HEATR5A: variants seen among roughly 807,000 people sequenced by gnomAD.
HEATR5A encodes HEAT repeat containing 5A.
HEATR5A carries 178 observed loss-of-function variants against 218.8 expected under a neutral mutation model. That is an observed-to-expected ratio of 0.81 (90% CI 0.72 to 0.92). HEATR5A has a LOEUF of 0.92. Among genes scored for constraint, HEATR5A ranks in the 40% least tolerant of loss-of-function variants. The probability of loss-of-function intolerance (pLI) is 0.00; values close to 1 mark genes in which losing one functional copy is unlikely to be tolerated. For missense variants in HEATR5A, 2,420 were observed against 2,418.9 expected (o/e 1.00, Z -0.01); for synonymous variants, 864 against 871.6 (o/e 0.99, Z 0.15).
At chr14:31,369,291 A>C (rs1901928436) in intron 13 of HEATR5A, among the ~76,000 whole-genome samples, 1 of 151,300 alleles carries the variant, frequency 6.6e-6, no homozygotes, top group South Asian at 2.1e-4. Flanking sequence ...ACTCCAGCCT[A>C]GGTGACAGAG....
At chr14:31,359,119 TA>T in intron 14 of HEATR5A, 62 bp from the exon 15 acceptor site, 16 of 1,507,026 alleles carry the variant, frequency 1.1e-5, no homozygotes, top group Non-Finnish European at 1.4e-5. Flanking sequence ...GTATGGGATT[TA>T]AAACTCAGGT....
intron 4 of HEATR5A, among the ~76,000 whole-genome samples, chr14:31,397,104 T>C (rs1026117129): frequency 2.6e-5 from 4 of 152,188 alleles, no homozygotes; most frequent in African/African-American, 7.2e-5. Flanking sequence ...ATGAGCAAAT[T>C]TTCTCATCAG....
At chr14:31,310,037 C>T (rs564183332) in intron 28 of HEATR5A, among the ~76,000 whole-genome samples, 12 of 152,038 alleles carry the variant, frequency 7.9e-5, no homozygotes, top group Non-Finnish European at 1.6e-4. Flanking sequence ...ACTGTTAATA[C>T]CACTAATTCT....
intron 16 of HEATR5A, among the ~76,000 whole-genome samples, chr14:31,353,817 TGAGA>T (rs1237362062): frequency 5.1e-5 from 7 of 137,760 alleles, no homozygotes; most frequent in Non-Finnish European, 1.0e-4. Context: ...TGTTTTTTTT[TGAGA>T]TGGAGTCTCG....
At chr14:31,317,094 C>T (rs115383374) in intron 26 of HEATR5A, among the ~76,000 whole-genome samples, 2,564 of 152,192 alleles carry the variant, frequency 0.017, 58 homozygotes, top group African/African-American at 0.057. Context: ...CAAGAACACA[C>T]ATAGTAAAGT....
chr14:31,303,793 C>A (rs2139134136), intron 32 of HEATR5A, among the ~76,000 whole-genome samples: 1 of 152,190 alleles, frequency 6.6e-6, no homozygotes, highest in African/African-American at 2.4e-5. Flanking sequence ...CAAGTAACGA[C>A]ACGATAGCAC....
At chr14:31,342,023 T>C (rs1326112867) in intron 21 of HEATR5A, among the ~76,000 whole-genome samples, 3 of 152,256 alleles carry the variant, frequency 2.0e-5, no homozygotes, top group Admixed American at 6.5e-5. Flanking sequence ...CCCTAATACA[T>C]GATTGACCCA....
At chr14:31,299,431 C>CT (rs1351040782) in intron 33 of HEATR5A, among the ~76,000 whole-genome samples, 1 of 152,112 alleles carries the variant, frequency 6.6e-6, no homozygotes, top group African/African-American at 2.4e-5. Flanking sequence ...TTTTAAAACC[C>CT]TTTCGTGGCC....
intron 16 of HEATR5A, among the ~76,000 whole-genome samples, chr14:31,353,539 C>T (rs1901307325): frequency 6.6e-6 from 1 of 152,002 alleles, no homozygotes; most frequent in Admixed American, 6.6e-5. Context: ...AGTTCGAGAC[C>T]AGCCTAGGCA....
Position 31,371,840 on chromosome 14 carries a change from G to A in HEATR5A, c.1931C>T (p.Pro644Leu). The A allele has an allele frequency of 1.3e-6, 2 of 1,545,860 alleles. No homozygotes were observed. The highest frequency in any genetic ancestry group is 2.4e-5 in the East Asian group (1 of 41,326). Residue 644 changes from proline (P) to leucine (L), a missense_variant, in exon 13 of 36, where the codon CCA becomes CTA. Transcript: ENST00000543095. ...TAGCAAATCCACAGCACAAGGAAGT[G>A]GTGGAAGAAGACGCTGAGTTACTTC... ...TEEVTQRLLP[P>L]LPCAVDLLTQ...
chr14:31,403,142 A>G, intron 1 of HEATR5A, 93 bp from the exon 2 acceptor site: 1 of 612,180 alleles, frequency 1.6e-6, no homozygotes, highest in Non-Finnish European at 2.7e-6. Flanking sequence ...AATTAAATGT[A>G]TACATTTTTT....
intron 22 of HEATR5A, among the ~76,000 whole-genome samples, chr14:31,328,597 A>G (rs1900350997): frequency 2.6e-5 from 4 of 152,154 alleles, no homozygotes; most frequent in Admixed American, 2.6e-4. Flanking sequence ...AAGAGGTTTC[A>G]GTCCAGGCAC....
intron 13 of HEATR5A, among the ~76,000 whole-genome samples, chr14:31,370,186 A>T (rs1389215581): frequency 6.6e-6 from 1 of 151,952 alleles, no homozygotes; most frequent in South Asian, 2.1e-4. Flanking sequence ...AGATTGTACC[A>T]CTGCACTCCA....
intron 22 of HEATR5A, among the ~76,000 whole-genome samples, chr14:31,331,733 T>A (rs964632050): frequency 2.0e-5 from 3 of 152,164 alleles, no homozygotes; most frequent in Non-Finnish European, 4.4e-5. Flanking sequence ...CTCAGGAAAC[T>A]TACAATCATG....
chr14:31,371,610 A>T (rs1215503337), intron 13 of HEATR5A, 200 bp downstream of exon 13: 6 of 386,176 alleles, frequency 1.6e-5, no homozygotes, highest in Non-Finnish European at 2.8e-5. Flanking sequence ...TATGTAAGGT[A>T]GATTATTCCC....
At chr14:31,385,224 TAA>T (rs1046527906) in intron 9 of HEATR5A, among the ~76,000 whole-genome samples, 2 of 152,136 alleles carry the variant, frequency 1.3e-5, no homozygotes, top group Admixed American at 6.5e-5. Flanking sequence ...CTCCTAGGCA[TAA>T]GTGATGCTCC....
chr14:31,388,415 C>G (rs1223957434), intron 7 of HEATR5A, among the ~76,000 whole-genome samples: 1 of 152,166 alleles, frequency 6.6e-6, no homozygotes, highest in Admixed American at 6.5e-5. Flanking sequence ...AAAATTTAAG[C>G]ACTGAAGTAA....
Position 31,335,447 on chromosome 14 carries a change from G to A in HEATR5A, c.3367+2029C>T, listed in dbSNP as rs966950180. ...TGATCTTCTCACCTCAGCCTCTAAG[G>A]AAGCTGGGACTACAAGTACATGCCG... On this transcript the variant is annotated intron_variant, in intron 22 of 35. Coordinates refer to ENST00000543095, the MANE Select transcript of HEATR5A (RefSeq NM_015473.4). 6.6e-5 allele frequency among the ~76,000 whole-genome samples: 10 copies of A among 151,978 alleles called. No individual in the cohort carries two copies. In the East Asian group the frequency reaches 1.9e-3, roughly 29 times the overall value.
chr14:31,312,456 A>G (rs966646270), intron 28 of HEATR5A, among the ~76,000 whole-genome samples: 6 of 148,610 alleles, frequency 4.0e-5, no homozygotes. Context: ...CTTGTCACCT[A>G]GGCTGGAGTG....
Sources: gnomAD v4.1 joint callset for allele counts (sites outside exome capture counted in the v4.1 genomes callset) on GRCh38, gnomAD v4.1.1 for gene constraint, MANE v1.5 for transcripts, NCBI Gene and HGNC (gene_info 2026-07-23, HGNC 2026-07-21) for gene names.